The following ACMSD variants were observed in gnomAD, a reference collection of about 807,000 sequenced individuals.
ACMSD encodes 2-amino-3-carboxymuconate-6-semialdehyde decarboxylase.
Under a neutral mutation model 45.9 loss-of-function variants are expected in ACMSD, and 37 were observed. The ratio of observed to expected loss-of-function variants is 0.81; its 90% CI spans 0.62 to 1.06. The LOEUF is 1.06. ACMSD is among the 50% of genes least tolerant of loss of function. The pLI is 0.00. For missense variants in ACMSD, 434 were observed against 420.9 expected, an observed-to-expected ratio of 1.03 and a Z score of -0.27; for synonymous variants, 138 against 148.8, an observed-to-expected ratio of 0.93 and a Z score of 0.53.
chr2:134,850,170 T>C (rs1312444429), intron 2 of ACMSD, among the ~76,000 whole-genome samples: 1 of 151,394 alleles, frequency 6.6e-6, no homozygotes. Flanking sequence ...GCACTGCTTA[T>C]GGCAAGAGTA....
chr2:134,848,827 G>A (rs962914633), intron 2 of ACMSD, among the ~76,000 whole-genome samples: 1 of 152,156 alleles, frequency 6.6e-6, no homozygotes, highest in Non-Finnish European at 1.5e-5. Context: ...TAGTCATGAA[G>A]TCTTTGCCCA....
At chr2:134,901,388 C>T (rs1237716960) in intron 9 of ACMSD, among the ~76,000 whole-genome samples, 2 of 152,162 alleles carry the variant, frequency 1.3e-5, no homozygotes, top group African/African-American at 4.8e-5. Context: ...CATGTGAAAA[C>T]AACAACACAT....
intron 8 of ACMSD, among the ~76,000 whole-genome samples, chr2:134,895,869 A>G (rs1690119605): frequency 6.6e-6 from 1 of 152,220 alleles, no homozygotes; most frequent in African/African-American, 2.4e-5. Flanking sequence ...CTCAAAAAAG[A>G]AAATGCAAGG....
chr2:134,885,362 ATATATAT>A (rs1325247010), intron 8 of ACMSD, among the ~76,000 whole-genome samples: 4 of 107,170 alleles, frequency 3.7e-5, no homozygotes, highest in African/African-American at 7.8e-5. Context: ...ATATATTTAC[ATATATAT>A]TATATATAAT....
chr2:134,868,451 C>CT (rs1170969126), intron 6 of ACMSD, among the ~76,000 whole-genome samples: 58,351 of 124,136 alleles, frequency 0.47, 14,944 homozygotes, highest in South Asian at 0.65. Context: ...ATATTTTTTT[C>CT]TTTTTTTTTT....
At chr2:134,868,451 CTTT>C (rs1170969126) in intron 6 of ACMSD, among the ~76,000 whole-genome samples, 3 of 124,202 alleles carry the variant, frequency 2.4e-5, no homozygotes, top group Non-Finnish European at 1.6e-5. Flanking sequence ...ATATTTTTTT[CTTT>C]TTTTTTTTTT....
Position 134,867,563 on chromosome 2 carries a change from C to T in ACMSD, c.487-16C>T. 6.2e-7 allele frequency: 1 copy of T among 1,602,446 alleles called. No individual in the cohort carries two copies. Among genetic ancestry groups the T allele is most frequent in the Non-Finnish European group, 8.6e-7 (1 of 1,169,548 alleles). On this transcript the variant is annotated splice_polypyrimidine_tract_variant and intron_variant, in intron 5 of 9. Transcript: ENST00000356140. ...TCAAAGTAACCCTCTCTCTCTCTCTCATTGCTTCTTTGAAGGCAGCCGAAA... is the reference window on the plus strand; with the variant it reads ...TCAAAGTAACCCTCTCTCTCTCTCTTATTGCTTCTTTGAAGGCAGCCGAAA...
At chr2:134,893,988 T>C (rs1377017325) in intron 8 of ACMSD, among the ~76,000 whole-genome samples, 1 of 152,100 alleles carries the variant, frequency 6.6e-6, no homozygotes, top group Admixed American at 6.6e-5. Flanking sequence ...AGTGAAAAAT[T>C]TATAGCTGTA....
chr2:134,859,482 C>T (rs1413369116), intron 3 of ACMSD, 125 bp downstream of exon 3: 1 of 844,118 alleles, frequency 1.2e-6, no homozygotes, highest in Non-Finnish European at 1.9e-6. Context: ...ACAGGCTGTT[C>T]CAGCTTCACT....
intron 1 of ACMSD, among the ~76,000 whole-genome samples, chr2:134,842,301 T>G (rs1686841326): frequency 1.3e-5 from 2 of 152,056 alleles, no homozygotes; most frequent in South Asian, 4.2e-4. Flanking sequence ...CCTAAATAAG[T>G]TGAGTCTTTG....
At chr2:134,856,478 G>A (rs908609731) in intron 2 of ACMSD, among the ~76,000 whole-genome samples, 2 of 152,096 alleles carry the variant, frequency 1.3e-5, no homozygotes, top group Non-Finnish European at 2.9e-5. Context: ...GAGCATACAA[G>A]GGTTCCTTTT....
chr2:134,898,179 A>G (rs1690281466), intron 8 of ACMSD, among the ~76,000 whole-genome samples, 162 bp from the exon 9 acceptor site: 2 of 152,066 alleles, frequency 1.3e-5, no homozygotes, highest in Non-Finnish European at 2.9e-5. Flanking sequence ...AATTTGAACC[A>G]TTAAATCTTT....
chr2:134,875,875 C>T (rs992684729), intron 8 of ACMSD, among the ~76,000 whole-genome samples: 5 of 152,232 alleles, frequency 3.3e-5, no homozygotes, highest in East Asian at 3.9e-4. Flanking sequence ...TGTGGTTGTG[C>T]GAACATCACA....
intron 2 of ACMSD, among the ~76,000 whole-genome samples, chr2:134,851,778 T>G (rs1687357714): frequency 6.6e-6 from 1 of 152,116 alleles, no homozygotes; most frequent in Non-Finnish European, 1.5e-5. Context: ...CCAGCATCTG[T>G]TATTTTCTGA....
chr2:134,847,944 C>T (rs572363530), intron 2 of ACMSD, among the ~76,000 whole-genome samples: 5 of 152,096 alleles, frequency 3.3e-5, no homozygotes, highest in African/African-American at 9.6e-5. Flanking sequence ...CTCTGCCTCC[C>T]GGGTTCAAGT....
At chr2:134,897,368 A>T (rs985250725) in intron 8 of ACMSD, among the ~76,000 whole-genome samples, 1 of 152,150 alleles carries the variant, frequency 6.6e-6, no homozygotes, top group African/African-American at 2.4e-5. Flanking sequence ...CTTCAAGATC[A>T]TTCTTCTTTA....
intron 1 of ACMSD, among the ~76,000 whole-genome samples, chr2:134,840,475 G>C (rs994449752): frequency 1.3e-5 from 2 of 152,188 alleles, no homozygotes; most frequent in African/African-American, 4.8e-5. Flanking sequence ...CAAGGCAATG[G>C]TATTAGGAGA....
chr2:134,868,723 G>A (rs1287274283), intron 6 of ACMSD, among the ~76,000 whole-genome samples: 1 of 152,060 alleles, frequency 6.6e-6, no homozygotes, highest in Non-Finnish European at 1.5e-5. Context: ...AAAGTGCTGG[G>A]ATTACAGGTG....
intron 3 of ACMSD, among the ~76,000 whole-genome samples, chr2:134,860,527 C>T (rs540641809): frequency 3.3e-5 from 5 of 152,060 alleles, no homozygotes; most frequent in Admixed American, 6.6e-5. Context: ...AATAAAAGAG[C>T]AGTTTAGCAC....
Sources: allele counts gnomAD v4.1 joint callset (sites outside exome capture counted in the v4.1 genomes callset), GRCh38; gene constraint gnomAD v4.1.1; transcripts MANE v1.5; gene names NCBI Gene and HGNC (gene_info 2026-07-23, HGNC 2026-07-21).